The following TRMT6 variants were observed in gnomAD, a reference collection of about 807,000 sequenced individuals.
TRMT6 encodes tRNA (adenine(58)-N(1))-methyltransferase non-catalytic subunit TRM6.
A neutral mutation model predicts 59.0 loss-of-function variants in TRMT6; 34 were observed. The observed-to-expected ratio is 0.58, with a 90% CI of 0.44 to 0.77. The LOEUF (loss-of-function observed/expected upper bound fraction) is 0.77. Ranked by LOEUF, TRMT6 falls within the 30% of genes least tolerant of loss-of-function variation. TRMT6 has a pLI of 0.00. For synonymous variants in TRMT6, 217 were observed against 210.5 expected (o/e 1.03, Z -0.27); for missense variants, 575 against 604.5 (o/e 0.95, Z 0.51).
chr20:5,949,343 A>G (rs1410135665), intron 1 of TRMT6, among the ~76,000 whole-genome samples: 1 of 152,224 alleles, frequency 6.6e-6, no homozygotes, highest in Non-Finnish European at 1.5e-5. Flanking sequence ...CCTGGGTGAC[A>G]AAGCAAGACT....
At chr20:5,939,486 GAAA>G (rs376972151) in intron 10 of TRMT6, among the ~76,000 whole-genome samples, 5 of 79,012 alleles carry the variant, frequency 6.3e-5, no homozygotes, top group Admixed American at 2.6e-4. Flanking sequence ...TCTCAAAAAT[GAAA>G]AAAAAAAAAA....
chr20:5,937,829 GA>G lies in TRMT6; in HGVS notation c.*705del, dbSNP rs2088620816. The G allele has an allele frequency of 6.6e-6, 1 of 152,170 alleles. No individual in the cohort carries two copies. Among genetic ancestry groups the G allele is most frequent in the Non-Finnish European group, 1.5e-5 (1 of 68,016 alleles). 9.4% of individuals were successfully genotyped at this position (152,170 alleles called of 1,614,324 possible). ...GCAAATGTGTATCCATAAGACCATA[GA>G]GGGGGAAAAGACATTTGTTTCCTTT... On this transcript the variant is annotated 3_prime_UTR_variant, in exon 11 of 11. Transcript: ENST00000203001.
rs1227179926 is a variant in TRMT6, at chr20:5,944,799, TA to T, written c.366+5del. 6.2e-7 allele frequency: 1 copy of T among 1,605,206 alleles called. No individual in the cohort carries two copies. Among genetic ancestry groups the T allele is most frequent in the South Asian group, 1.1e-5 (1 of 90,716 alleles). On this transcript the variant is annotated splice_donor_5th_base_variant and intron_variant, in intron 3 of 10. Coordinates refer to ENST00000203001, the MANE Select transcript of TRMT6 (RefSeq NM_015939.5). ...AAAACAAAACTAAAAATCCTTTGAA[TA>T]TTACCTCTCCTTTAATGCCCTTGTC...
Position 5,946,442 on chromosome 20 carries a change from G to T in TRMT6, c.220C>A (p.Leu74Ile). ...TCTTCCCTCTTCTTCTTGGGCTGTA[G>T]ACTTCCTCCACTGGTCACTTCAAAT... ...TAFEVTSGGS[L>I]QPKKKREEPT... The change falls in exon 2 of 11, where the codon CTA becomes ATA. Residue 74 changes from leucine (L) to isoleucine (I), a missense_variant. Leu to Ile is a conservative substitution (Grantham distance 5). Transcript: ENST00000203001. 6.2e-7 allele frequency: 1 copy of T among 1,614,132 alleles called. No individual in the cohort carries two copies. The highest frequency in any genetic ancestry group is 8.5e-7 in the Non-Finnish European group (1 of 1,180,020).
At chr20:5,941,438 T>C (rs2088655300) in intron 8 of TRMT6, 93 bp from the exon 9 acceptor site, 1 of 862,814 alleles carries the variant, frequency 1.2e-6, no homozygotes, top group South Asian at 1.6e-5. Context: ...GTATTTAATT[T>C]GCATGACTCA....
In TRMT6 at chr20:5,938,084, T is replaced by G. The variant is rs1336978343; in HGVS notation, c.*451A>C. 2 of 152,856 alleles carry G rather than the reference T, an allele frequency of 1.3e-5. No homozygotes were observed. Among genetic ancestry groups the G allele is most frequent in the African/African-American group, 4.8e-5 (2 of 41,480 alleles). 9.5% of individuals were successfully genotyped at this position (152,856 alleles called of 1,614,324 possible). On this transcript the variant is annotated 3_prime_UTR_variant, in exon 11 of 11. Transcript: ENST00000203001. ...AAGGTGGACATTTTTGGTACCATAA[T>G]AAATCACACACTCACACATCCATAT...
Position 5,944,730 on chromosome 20 carries a change from GTC to G in TRMT6, c.366+73_366+74del. 6.3e-6 allele frequency: 7 copies of G among 1,107,832 alleles called. No homozygotes were observed. In the South Asian group the frequency reaches 7.9e-5, roughly 13 times the overall value. The allele number at this position is 1,107,832 out of a possible 1,614,324, so 68.6% of individuals were successfully genotyped here. ...ATTTTTTTGTTTTACCTTAGGTACA[GTC>G]TGCTTTAAAAACCCAACAGTTTCCT... is the stretch of plus-strand genomic sequence containing the variant. On this transcript the variant is annotated intron_variant, in intron 3 of 10. Coordinates refer to ENST00000203001, the MANE Select transcript of TRMT6 (RefSeq NM_015939.5).
In TRMT6 at chr20:5,942,581, T is replaced by C; in HGVS notation, c.873A>G (p.Thr291=). ...GTTCAGAAGCCTGTTTTTCCTCCAGTGTGCCATTACTTTCTTCAACCAAAG... is the reference window on the plus strand; with the variant it reads ...GTTCAGAAGCCTGTTTTTCCTCCAGCGTGCCATTACTTTCTTCAACCAAAG... ...DSALVEESNG[T]LEEKQASEQE... The change falls in exon 7 of 11, where the codon ACA becomes ACG. Residue 291 remains threonine, a synonymous_variant. Coordinates refer to ENST00000203001, the MANE Select transcript of TRMT6 (RefSeq NM_015939.5). 6.2e-7 allele frequency: 1 copy of C among 1,614,194 alleles called. No individual in the cohort carries two copies. Among genetic ancestry groups the C allele is most frequent in the Non-Finnish European group, 8.5e-7 (1 of 1,180,032 alleles).
chr20:5,948,357 G>GT (rs2088726551), intron 1 of TRMT6, among the ~76,000 whole-genome samples: 1 of 152,166 alleles, frequency 6.6e-6, no homozygotes, highest in African/African-American at 2.4e-5. Context: ...AGCCTGGACT[G>GT]TTTTTTGCCC....
At chr20:5,940,960 T>G in intron 10 of TRMT6, 93 bp downstream of exon 10, 2 of 1,026,734 alleles carry the variant, frequency 1.9e-6, no homozygotes, top group East Asian at 2.4e-5. Context: ...TGTGCCTGGC[T>G]GAGATAACTC....
chr20:5,945,457 A>G (rs150801883), intron 2 of TRMT6, among the ~76,000 whole-genome samples: 188 of 152,302 alleles, frequency 1.2e-3, no homozygotes, highest in Non-Finnish European at 1.7e-3. Context: ...CTCTTGCTTT[A>G]CCAAATTAGT....
chr20:5,949,028 C>G (rs2088739085), intron 1 of TRMT6, among the ~76,000 whole-genome samples: 1 of 152,088 alleles, frequency 6.6e-6, no homozygotes, highest in Non-Finnish European at 1.5e-5. Context: ...TTCAACTTAT[C>G]TCTGTCAAAA....
intron 7 of TRMT6, 36 bp from the exon 8 acceptor site, chr20:5,942,072 G>T (rs2088661382): frequency 6.5e-7 from 1 of 1,541,414 alleles, no homozygotes; most frequent in African/African-American, 1.4e-5. Context: ...ATGTACTGGG[G>T]TCTTTCAGTC....
chr20:5,938,845 AT>A (rs201461796), intron 10 of TRMT6, 119 bp from the exon 11 acceptor site: 98 of 878,842 alleles, frequency 1.1e-4, no homozygotes, highest in Middle Eastern at 2.5e-4. Context: ...TTAAATGGAC[AT>A]TTTTTTTTCT....
chr20:5,942,068 T>C (rs369974840), intron 7 of TRMT6, 32 bp from the exon 8 acceptor site: 22 of 1,568,950 alleles, frequency 1.4e-5, no homozygotes, highest in African/African-American at 9.4e-5. Context: ...ATCAATGTAC[T>C]GGGGTCTTTC....
chr20:5,941,259 T>G lies in TRMT6; in HGVS notation c.1199A>C (p.Tyr400Ser), dbSNP rs144946618. 2 of 1,613,962 alleles carry G rather than the reference T, an allele frequency of 1.2e-6. No individual in the cohort carries two copies. Among genetic ancestry groups the G allele is most frequent in the East Asian group, 2.2e-5 (1 of 44,902 alleles). The change falls in exon 9 of 11, where the codon TAC (tyrosine) becomes TCC (serine). Residue 400 changes from tyrosine to serine, a missense_variant. Transcript: ENST00000203001. ...CAGTATTACCTCTTTGTACTGACAG[T>G]AGACCACAAACGGCCTTGAAGGGGC... ...FVAPSRPFVV[Y>S]CQYKEPLLEC...
chr20:5,943,314 T>C (rs926103163), intron 6 of TRMT6, among the ~76,000 whole-genome samples: 12 of 152,178 alleles, frequency 7.9e-5, no homozygotes, highest in African/African-American at 2.9e-4. Context: ...GGCTCCAGCA[T>C]CATGCCCACT....
intron 2 of TRMT6, 49 bp downstream of exon 2, chr20:5,946,357 C>G: frequency 6.2e-7 from 1 of 1,612,384 alleles, no homozygotes; most frequent in Non-Finnish European, 8.5e-7. Flanking sequence ...TGAGATGTTT[C>G]TGACTAGTCA....
At chr20:5,950,253 C>A in intron 1 of TRMT6, 25 bp downstream of exon 1, 2 of 1,583,364 alleles carry the variant, frequency 1.3e-6, no homozygotes, top group Admixed American at 1.7e-5. Flanking sequence ...GGCGGGAGAC[C>A]CCTAAAATCA....
Sources: gnomAD v4.1 joint callset for allele counts (sites outside exome capture counted in the v4.1 genomes callset) on GRCh38, gnomAD v4.1.1 for gene constraint, MANE v1.5 for transcripts, NCBI Gene and HGNC (gene_info 2026-07-23, HGNC 2026-07-21) for gene names.